Variants in MTHFD1L observed in about 807,000 individuals in gnomAD.
MTHFD1L encodes monofunctional C1-tetrahydrofolate synthase, mitochondrial.
Under a neutral mutation model 119.5 loss-of-function variants are expected in MTHFD1L, and 81 were observed. The ratio of observed to expected loss-of-function variants is 0.68; its 90% CI spans 0.57 to 0.82. The LOEUF is 0.82. Ranked by LOEUF, MTHFD1L falls within the 40% of genes least tolerant of loss-of-function variation. The pLI is 0.00. For missense variants in MTHFD1L, 1,125 were observed against 1,253.4 expected, an observed-to-expected ratio of 0.90 and a Z score of 1.55; for synonymous variants, 430 against 475.2, an observed-to-expected ratio of 0.90 and a Z score of 1.24.
In MTHFD1L at chr6:151,014,947, G is replaced by C. The variant is rs776928312; in HGVS notation, c.2375G>C (p.Gly792Ala). 3.7e-6 allele frequency: 6 copies of C among 1,613,976 alleles called. No homozygotes were observed. The highest frequency in any genetic ancestry group is 2.2e-5 in the South Asian group (2 of 91,068). ...CAAATTCAGATCACTCAGCTCTTTGGGGTTCCCGTTGTGGTGGCTCTGAAT... is the reference window on the plus strand; with the variant it reads ...CAAATTCAGATCACTCAGCTCTTTGCGGTTCCCGTTGTGGTGGCTCTGAAT... Reference protein sequence around the residue: ...QKQIQITQLFGVPVVVALNVF... With the variant: ...QKQIQITQLFAVPVVVALNVF... Residue 792 changes from glycine to alanine, a missense_variant, in exon 23 of 28, where the codon GGG (glycine) becomes GCG (alanine). This residue lies in a region of MTHFD1L where 1,058 missense variants were observed against 1,151.2 expected (regional missense o/e 0.92). Coordinates refer to ENST00000367321, the MANE Select transcript of MTHFD1L (RefSeq NM_015440.5).
chr6:150,876,655 C>G (rs894252102), intron 2 of MTHFD1L, among the ~76,000 whole-genome samples: 1 of 152,206 alleles, frequency 6.6e-6, no homozygotes, highest in Non-Finnish European at 1.5e-5. Flanking sequence ...CCACATACTT[C>G]TTTTGGCTGC....
chr6:150,995,659 G>A (rs1779723344), intron 20 of MTHFD1L, among the ~76,000 whole-genome samples: 1 of 151,438 alleles, frequency 6.6e-6, no homozygotes, highest in South Asian at 2.1e-4. Context: ...ATAACATATC[G>A]CTAATAACAT....
intron 26 of MTHFD1L, among the ~76,000 whole-genome samples, chr6:151,079,238 G>C (rs367970792): frequency 2.0e-5 from 3 of 151,708 alleles, no homozygotes; most frequent in African/African-American, 7.3e-5. Context: ...GGAGCTGGAG[G>C]GGGTGGGGAG....
At chr6:151,019,103 C>T (rs909162660) in intron 24 of MTHFD1L, among the ~76,000 whole-genome samples, 35 of 151,462 alleles carry the variant, frequency 2.3e-4, no homozygotes, top group African/African-American at 8.5e-4. Context: ...GGTTCCTGTT[C>T]TTTGGTCCTG....
At chr6:150,999,864 A>C (rs2128462718) in intron 20 of MTHFD1L, among the ~76,000 whole-genome samples, 1 of 152,302 alleles carries the variant, frequency 6.6e-6, no homozygotes, top group East Asian at 1.9e-4. Context: ...TACTACAACC[A>C]AAAATATGTT....
At chr6:150,947,746 C>T (rs1794218420) in intron 15 of MTHFD1L, among the ~76,000 whole-genome samples, 1 of 152,086 alleles carries the variant, frequency 6.6e-6, no homozygotes, top group Admixed American at 6.5e-5. Context: ...CAGTTTATGT[C>T]TCTTCTGAGC....
At chr6:150,955,961 T>C in intron 16 of MTHFD1L, 34 bp from the exon 17 acceptor site, 1 of 1,573,716 alleles carries the variant, frequency 6.4e-7, no homozygotes, top group Non-Finnish European at 8.7e-7. Context: ...TGGTCCATAT[T>C]TGTCGACTGA....
At chr6:150,880,096 T>G (rs1781159208) in intron 4 of MTHFD1L, among the ~76,000 whole-genome samples, 1 of 152,214 alleles carries the variant, frequency 6.6e-6, no homozygotes, top group South Asian at 2.1e-4. Flanking sequence ...TTATCATTTC[T>G]TTGTGGTGAT....
chr6:150,982,901 A>G (rs1777741117), intron 20 of MTHFD1L, among the ~76,000 whole-genome samples: 1 of 152,086 alleles, frequency 6.6e-6, no homozygotes, highest in Admixed American at 6.6e-5. Flanking sequence ...GGTTTCGCCA[A>G]GTTGACCAGG....
chr6:150,962,923 T>G (rs1388006563), intron 18 of MTHFD1L, among the ~76,000 whole-genome samples: 10 of 147,326 alleles, frequency 6.8e-5, no homozygotes, highest in Non-Finnish European at 1.2e-4. Flanking sequence ...TCTTTTTTTT[T>G]TTTTTTTTTT....
chr6:150,907,383 A>G (rs1786101621), intron 8 of MTHFD1L, among the ~76,000 whole-genome samples: 1 of 152,214 alleles, frequency 6.6e-6, no homozygotes, highest in African/African-American at 2.4e-5. Context: ...GGGGGAAAAA[A>G]AGACCAAGGC....
intron 20 of MTHFD1L, among the ~76,000 whole-genome samples, chr6:151,000,230 G>A (rs1025492543): frequency 6.6e-6 from 1 of 151,958 alleles, no homozygotes; most frequent in African/African-American, 2.4e-5. Flanking sequence ...CCAGCTACTC[G>A]GGAGGCTGAG....
chr6:150,970,068 C>T (rs779418954), intron 19 of MTHFD1L, among the ~76,000 whole-genome samples: 2 of 152,160 alleles, frequency 1.3e-5, no homozygotes, highest in African/African-American at 2.4e-5. Context: ...GTAGATTATG[C>T]TTTCCCGCTC....
At chr6:150,915,308 G>A (rs1180419112) in intron 8 of MTHFD1L, among the ~76,000 whole-genome samples, 2 of 151,482 alleles carry the variant, frequency 1.3e-5, no homozygotes, top group African/African-American at 4.9e-5. Flanking sequence ...TATTTTATGT[G>A]TGGCTATGGC....
intron 1 of MTHFD1L, among the ~76,000 whole-genome samples, chr6:150,872,834 T>C (rs1779763999): frequency 6.6e-6 from 1 of 151,774 alleles, no homozygotes. Flanking sequence ...AACTTTTTTT[T>C]TTTTTTTGGT....
chr6:151,093,953 T>G (rs756675056), intron 27 of MTHFD1L, among the ~76,000 whole-genome samples: 3 of 152,162 alleles, frequency 2.0e-5, no homozygotes, highest in Non-Finnish European at 2.9e-5. Context: ...ACTCTCGGTC[T>G]TATTCATGTC....
At chr6:150,996,279 C>T (rs1779800059) in intron 20 of MTHFD1L, among the ~76,000 whole-genome samples, 1 of 152,132 alleles carries the variant, frequency 6.6e-6, no homozygotes, top group African/African-American at 2.4e-5. Context: ...TAGGAAATAG[C>T]AGGTGTGTTA....
chr6:151,080,677 C>G (rs1793056861), intron 26 of MTHFD1L, among the ~76,000 whole-genome samples: 2 of 152,184 alleles, frequency 1.3e-5, no homozygotes, highest in Non-Finnish European at 2.9e-5. Context: ...GTGGCTTCAA[C>G]AACAGAAGTT....
At chr6:150,868,662 G>A (rs1778865534) in intron 1 of MTHFD1L, among the ~76,000 whole-genome samples, 1 of 152,024 alleles carries the variant, frequency 6.6e-6, no homozygotes, top group African/African-American at 2.4e-5. Flanking sequence ...ACTAAGCCAG[G>A]GGTCCACAGA....
Sources: allele counts gnomAD v4.1 joint callset (sites outside exome capture counted in the v4.1 genomes callset), GRCh38; gene constraint gnomAD v4.1.1; regional missense constraint gnomAD v4.1.1; transcripts MANE v1.5; gene names NCBI Gene and HGNC (gene_info 2026-07-23, HGNC 2026-07-21).